The following PTPRD variants were observed in gnomAD, a reference collection of about 807,000 sequenced individuals.
The protein encoded by PTPRD is protein tyrosine phosphatase receptor type D.
Under a neutral mutation model 214.5 loss-of-function variants are expected in PTPRD, and 34 were observed. The observed-to-expected ratio is 0.16, with a 90% CI of 0.12 to 0.21. PTPRD has a LOEUF of 0.21. Ranked by LOEUF, PTPRD falls within the 10% of genes least tolerant of loss-of-function variation. The pLI, the probability that PTPRD is intolerant of heterozygous loss-of-function variation, is 1.00. For missense variants in PTPRD, 2,545 were observed against 2,398.7 expected, an observed-to-expected ratio of 1.06 and a Z score of -1.27; for synonymous variants, 1,128 against 845.7, an observed-to-expected ratio of 1.33 and a Z score of -5.79.
At chr9:9,512,878 A>G (rs1248250960) in intron 8 of PTPRD, among the ~76,000 whole-genome samples, 1 of 151,480 alleles carries the variant, frequency 6.6e-6, no homozygotes, top group African/African-American at 2.4e-5. Context: ...ATGAAAAAAA[A>G]AAACACAATA....
At chr9:8,762,721 C>T (rs562207504) in intron 11 of PTPRD, among the ~76,000 whole-genome samples, 1 of 152,262 alleles carries the variant, frequency 6.6e-6, no homozygotes, top group African/African-American at 2.4e-5. Flanking sequence ...GCACTTTCTC[C>T]ACCTCCTCTG....
At chr9:8,466,677 G>A (rs1221206484) in intron 31 of PTPRD, among the ~76,000 whole-genome samples, 1 of 151,738 alleles carries the variant, frequency 6.6e-6, no homozygotes, top group East Asian at 1.9e-4. Context: ...TTCTTGGGAA[G>A]AATTTTTATT....
chr9:10,201,659 A>G (rs2099423936), intron 3 of PTPRD, among the ~76,000 whole-genome samples: 1 of 151,936 alleles, frequency 6.6e-6, no homozygotes, highest in Non-Finnish European at 1.5e-5. Context: ...TTTTGCTTCC[A>G]TATCTTAGGT....
At chr9:9,769,127 A>C (rs1043889337) in intron 5 of PTPRD, among the ~76,000 whole-genome samples, 1 of 152,102 alleles carries the variant, frequency 6.6e-6, no homozygotes, top group African/African-American at 2.4e-5. Flanking sequence ...AAATGAACAA[A>C]ATAACAACAA....
At chr9:8,844,913 C>G (rs760441422) in intron 11 of PTPRD, among the ~76,000 whole-genome samples, 21 of 152,196 alleles carry the variant, frequency 1.4e-4, no homozygotes, top group Admixed American at 3.3e-4. Flanking sequence ...TTCCACATGA[C>G]AACATAAAGC....
intron 11 of PTPRD, among the ~76,000 whole-genome samples, chr9:8,770,099 A>T (rs567662860): frequency 1.1e-3 from 169 of 152,114 alleles, no homozygotes; most frequent in African/African-American, 3.8e-3. Flanking sequence ...TGACCAACAT[A>T]GTGAACCCTC....
intron 2 of PTPRD, among the ~76,000 whole-genome samples, chr9:10,408,206 G>A (rs1205741521): frequency 6.6e-6 from 1 of 151,458 alleles, no homozygotes; most frequent in Admixed American, 6.6e-5. Context: ...AATGATTTTG[G>A]ACCAAGAATG....
At chr9:8,665,169 G>A (rs747913902) in intron 12 of PTPRD, among the ~76,000 whole-genome samples, 4 of 152,172 alleles carry the variant, frequency 2.6e-5, no homozygotes, top group Non-Finnish European at 5.9e-5. Flanking sequence ...TTAATCAAAA[G>A]TAAGATTTTG....
At chr9:10,492,366 C>T (rs1337506253) in intron 2 of PTPRD, among the ~76,000 whole-genome samples, 1 of 152,100 alleles carries the variant, frequency 6.6e-6, no homozygotes, top group Non-Finnish European at 1.5e-5. Flanking sequence ...ACATCCCCTC[C>T]AGCATCTGTT....
chr9:8,634,778 T>C (rs1319314228), intron 13 of PTPRD, among the ~76,000 whole-genome samples: 3 of 152,060 alleles, frequency 2.0e-5, no homozygotes, highest in East Asian at 3.9e-4. Context: ...CCAATTTAAA[T>C]GTTGACTAAT....
At chr9:8,763,870 T>G (rs1404778499) in intron 11 of PTPRD, among the ~76,000 whole-genome samples, 1 of 152,172 alleles carries the variant, frequency 6.6e-6, no homozygotes, top group Non-Finnish European at 1.5e-5. Context: ...TGTATTTCCT[T>G]TTTAAAAATT....
chr9:10,501,812 C>A (rs1343044332), intron 2 of PTPRD, among the ~76,000 whole-genome samples: 1 of 151,910 alleles, frequency 6.6e-6, no homozygotes, highest in Admixed American at 6.6e-5. Flanking sequence ...GCTTTGTTGA[C>A]AAATTCAACA....
chr9:8,475,782 C>T (rs2096751343), intron 30 of PTPRD, among the ~76,000 whole-genome samples: 1 of 152,112 alleles, frequency 6.6e-6, no homozygotes, highest in Admixed American at 6.5e-5. Flanking sequence ...CTTCCAAACC[C>T]TATCTCCAGT....
At chr9:9,145,472 G>A (rs746496136) in intron 10 of PTPRD, among the ~76,000 whole-genome samples, 27 of 151,712 alleles carry the variant, frequency 1.8e-4, no homozygotes, top group Non-Finnish European at 3.1e-4. Flanking sequence ...TTTTTTATTA[G>A]TCAAGAATAC....
intron 5 of PTPRD, among the ~76,000 whole-genome samples, chr9:9,865,683 A>G (rs1440635306): frequency 6.6e-6 from 1 of 152,222 alleles, no homozygotes; most frequent in East Asian, 1.9e-4. Flanking sequence ...AATTACCATC[A>G]AGATCATCAG....
intron 2 of PTPRD, among the ~76,000 whole-genome samples, chr9:10,438,168 T>C (rs1231192485): frequency 2.0e-5 from 3 of 151,178 alleles, no homozygotes; most frequent in Admixed American, 1.3e-4. Flanking sequence ...GTCATTTTCA[T>C]TTTCCTTTTT....
intron 14 of PTPRD, among the ~76,000 whole-genome samples, chr9:8,544,998 A>G (rs2079625879): frequency 6.6e-6 from 1 of 151,790 alleles, no homozygotes; most frequent in Admixed American, 6.6e-5. Context: ...GTTTCAGAAC[A>G]AAACTTTCTG....
At chr9:8,942,462 G>A (rs2099039766) in intron 11 of PTPRD, among the ~76,000 whole-genome samples, 1 of 152,140 alleles carries the variant, frequency 6.6e-6, no homozygotes, top group Non-Finnish European at 1.5e-5. Context: ...AACTTCATCA[G>A]CAACTGGACT....
At chr9:8,765,434 T>C (rs889738096) in intron 11 of PTPRD, among the ~76,000 whole-genome samples, 1 of 152,224 alleles carries the variant, frequency 6.6e-6, no homozygotes, top group African/African-American at 2.4e-5. Context: ...TAAGGACACT[T>C]AGGCAGCCCG....
Sources: gnomAD v4.1 joint callset for allele counts (sites outside exome capture counted in the v4.1 genomes callset) on GRCh38, gnomAD v4.1.1 for gene constraint, MANE v1.5 for transcripts, NCBI Gene and HGNC (gene_info 2026-07-23, HGNC 2026-07-21) for gene names.